Variants in SLC39A11 observed in about 807,000 individuals in gnomAD.
SLC39A11 encodes solute carrier family 39 member 11, also known as zinc transporter ZIP11.
In SLC39A11, 33 loss-of-function variants were observed where a neutral mutation model predicts 36.1. That is an observed-to-expected ratio of 0.91 (90% CI 0.69 to 1.22). The LOEUF (loss-of-function observed/expected upper bound fraction) is 1.22, where lower values mean the gene tolerates loss of function less well. SLC39A11 is among the 50% of genes most tolerant of loss of function. The pLI is 0.00. For synonymous variants in SLC39A11, 166 were observed against 170.3 expected (o/e 0.97, Z 0.20); for missense variants, 432 against 430.3 (o/e 1.00, Z -0.03).
intron 5 of SLC39A11, among the ~76,000 whole-genome samples, chr17:72,926,329 G>T (rs1442410926): frequency 1.3e-5 from 2 of 152,108 alleles, no homozygotes; most frequent in East Asian, 1.9e-4. Context: ...ACCTAACCTT[G>T]TTGGCTCCAG....
At chr17:72,846,675 A>C (rs1191034285) in intron 6 of SLC39A11, among the ~76,000 whole-genome samples, 10 of 152,204 alleles carry the variant, frequency 6.6e-5, no homozygotes, top group Admixed American at 6.5e-4. Context: ...CCATTAGAGG[A>C]AAGTTGGATA....
intron 7 of SLC39A11, among the ~76,000 whole-genome samples, chr17:72,693,852 C>A (rs968083557): frequency 2.6e-5 from 4 of 152,134 alleles, no homozygotes; most frequent in African/African-American, 9.7e-5. Flanking sequence ...TTAGTAGAGA[C>A]GGGGTTTCAC....
intron 3 of SLC39A11, among the ~76,000 whole-genome samples, chr17:73,041,397 A>C (rs923029240): frequency 1.3e-5 from 2 of 152,232 alleles, no homozygotes; most frequent in African/African-American, 4.8e-5. Context: ...GCCCCAGAAT[A>C]GCCAGGGAGC....
intron 7 of SLC39A11, among the ~76,000 whole-genome samples, chr17:72,722,849 C>A (rs562054680): frequency 6.6e-6 from 1 of 152,110 alleles, no homozygotes; most frequent in African/African-American, 2.4e-5. Context: ...TTTGCCAAGC[C>A]GGTCTGTATC....
chr17:72,665,398 T>TTTTTTTTTTTTTTTTTTTTTTTTTTTG (rs2070701247), intron 7 of SLC39A11, among the ~76,000 whole-genome samples: 2 of 130,174 alleles, frequency 1.5e-5, no homozygotes, highest in Non-Finnish European at 1.6e-5. Context: ...TGTTTTTTTT[T>TTTTTTTTTTTTTTTTTTTTTTTTTTTG]TTTTTTTTTT....
At chr17:72,740,354 C>A (rs1000739409) in intron 6 of SLC39A11, among the ~76,000 whole-genome samples, 18 of 152,094 alleles carry the variant, frequency 1.2e-4, no homozygotes, top group African/African-American at 3.6e-4. Flanking sequence ...CGTAAGCCAC[C>A]GCGCCCGGCC....
chr17:72,673,398 C>T (rs776969040), intron 7 of SLC39A11, among the ~76,000 whole-genome samples: 7 of 152,164 alleles, frequency 4.6e-5, no homozygotes, highest in African/African-American at 7.2e-5. Flanking sequence ...CCACCGTGCC[C>T]GGCCTCTTTC....
chr17:73,033,099 GA>G (rs1365371697), intron 3 of SLC39A11, among the ~76,000 whole-genome samples: 2 of 152,214 alleles, frequency 1.3e-5, no homozygotes, highest in Non-Finnish European at 2.9e-5. Flanking sequence ...TCACAACCTA[GA>G]TCCGTGGCAT....
intron 5 of SLC39A11, among the ~76,000 whole-genome samples, chr17:72,912,563 G>T (rs71380146): frequency 0.51 from 77,397 of 151,130 alleles, 19,772 homozygotes; most frequent in African/African-American, 0.53. Context: ...GCCTCCCAAA[G>T]AGCTGGGAGC....
At position 72,866,375 on chromosome 17, in the gene SLC39A11, T is replaced by C. The variant is rs188231728; in HGVS notation, c.431-16571A>G. Among the ~76,000 whole-genome samples, 206 of 152,310 alleles carry C rather than the reference T, an allele frequency of 1.4e-3. 1 individual carries two copies. The highest frequency in any genetic ancestry group is 4.0e-3 in the Admixed American group (61 of 15,294). ...CCCACTGATTCTAGGTTAGGTGAGT[T>C]GTATAATTATTTCATTATCTATTAC... On this transcript the variant is annotated intron_variant, in intron 5 of 9. Coordinates refer to ENST00000255559, the MANE Select transcript of SLC39A11 (RefSeq NM_139177.4).
At chr17:72,848,133 T>A (rs892074393) in intron 6 of SLC39A11, among the ~76,000 whole-genome samples, 2 of 152,206 alleles carry the variant, frequency 1.3e-5, no homozygotes, top group African/African-American at 2.4e-5. Flanking sequence ...ATATTTAGCA[T>A]CTCATTTAAT....
rs191542479 is a variant in SLC39A11 at position 72,985,123 on chromosome 17, C to T, written c.307-37248G>A. Among the ~76,000 whole-genome samples, 289 of 152,230 alleles carry T rather than the reference C, an allele frequency of 1.9e-3. 4 individuals carry two copies. Among genetic ancestry groups the T allele is most frequent in the Admixed American group, 0.014 (217 of 15,298 alleles). On this transcript the variant is annotated intron_variant, in intron 4 of 9. Transcript: ENST00000255559. Reference sequence around the variant, plus strand: ...CCTCCCTAGGAATGTGCACACTCCACGTGGCTGACGCCACTCCACAAGGCA... The same window carrying T: ...CCTCCCTAGGAATGTGCACACTCCATGTGGCTGACGCCACTCCACAAGGCA...
chr17:72,650,770 A>G (rs559352331), intron 7 of SLC39A11, among the ~76,000 whole-genome samples: 1 of 152,166 alleles, frequency 6.6e-6, no homozygotes, highest in African/African-American at 2.4e-5. Flanking sequence ...CTTGCTGCCA[A>G]TAGGAATCTA....
intron 7 of SLC39A11, among the ~76,000 whole-genome samples, chr17:72,720,026 G>C (rs762199803): frequency 6.6e-6 from 1 of 152,214 alleles, no homozygotes; most frequent in Non-Finnish European, 1.5e-5. Context: ...TCGTGTGCTT[G>C]TGTGGTCTGG....
intron 5 of SLC39A11, among the ~76,000 whole-genome samples, chr17:72,850,466 GA>G (rs34475330): frequency 2.0e-5 from 3 of 148,366 alleles, no homozygotes; most frequent in African/African-American, 5.0e-5. Context: ...AAAAGAAAAA[GA>G]AAAAAAAAAT....
chr17:72,754,051 T>TACACACAC (rs58802713), intron 6 of SLC39A11, among the ~76,000 whole-genome samples: 62 of 108,058 alleles, frequency 5.7e-4, no homozygotes, highest in Admixed American at 1.0e-3. Flanking sequence ...TATATACACA[T>TACACACAC]ACACACACAC....
chr17:72,799,154 G>C (rs2076999041), intron 6 of SLC39A11, among the ~76,000 whole-genome samples: 1 of 152,132 alleles, frequency 6.6e-6, no homozygotes. Context: ...CTGTGGCAGA[G>C]GAACATAAAT....
At chr17:73,067,130 A>G (rs2060019003) in intron 3 of SLC39A11, among the ~76,000 whole-genome samples, 2 of 152,252 alleles carry the variant, frequency 1.3e-5, no homozygotes, top group Admixed American at 1.3e-4. Context: ...TGTGGCCACA[A>G]GAGTGCTGAG....
At chr17:72,951,534 T>A (rs997303625) in intron 4 of SLC39A11, among the ~76,000 whole-genome samples, 2 of 152,186 alleles carry the variant, frequency 1.3e-5, no homozygotes, top group African/African-American at 4.8e-5. Flanking sequence ...AAGTCTCCTG[T>A]CCTCATGAAT....
Sources: allele counts gnomAD v4.1 joint callset (sites outside exome capture counted in the v4.1 genomes callset), GRCh38; gene constraint gnomAD v4.1.1; transcripts MANE v1.5; gene names NCBI Gene and HGNC (gene_info 2026-07-23, HGNC 2026-07-21).